Variants in SLC25A37 observed in about 807,000 individuals in gnomAD.
The protein encoded by SLC25A37 is mitoferrin-1.
In SLC25A37, 17 loss-of-function variants were observed where a neutral mutation model predicts 31.0. The observed-to-expected ratio is 0.55, with a 90% CI of 0.38 to 0.82. The LOEUF (loss-of-function observed/expected upper bound fraction) is 0.82, where lower values mean the gene tolerates loss of function less well. Ranked by LOEUF, SLC25A37 falls within the 40% of genes least tolerant of loss-of-function variation. SLC25A37 has a pLI of 0.00. For missense variants in SLC25A37, 404 were observed against 465.8 expected, an observed-to-expected ratio of 0.87 and a Z score of 1.22; for synonymous variants, 222 against 193.0, an observed-to-expected ratio of 1.15 and a Z score of -1.24.
intron 3 of SLC25A37, among the ~76,000 whole-genome samples, chr8:23,571,026 G>C (rs1024120405): frequency 9.9e-5 from 15 of 152,182 alleles, no homozygotes; most frequent in Non-Finnish European, 5.9e-5. Context: ...ACAGATCAGC[G>C]ACTCTAGTCT....
At chr8:23,543,842 G>A (rs200485345) in intron 1 of SLC25A37, among the ~76,000 whole-genome samples, 13 of 151,610 alleles carry the variant, frequency 8.6e-5, no homozygotes, top group Non-Finnish European at 1.6e-4. Context: ...AGCAAAAAAC[G>A]ATGTGGTATT....
intron 1 of SLC25A37, among the ~76,000 whole-genome samples, chr8:23,554,429 C>T (rs763581534): frequency 1.3e-5 from 2 of 152,200 alleles, no homozygotes; most frequent in African/African-American, 2.4e-5. Flanking sequence ...AGTCCCTTCC[C>T]TTTCTGTCTC....
At chr8:23,540,010 C>T (rs897856072) in intron 1 of SLC25A37, among the ~76,000 whole-genome samples, 1 of 152,210 alleles carries the variant, frequency 6.6e-6, no homozygotes, top group African/African-American at 2.4e-5. Flanking sequence ...ATATCAGCTC[C>T]TCTTGTTATT....
intron 2 of SLC25A37, chr8:23,567,886 T>C (rs1337853457): frequency 6.5e-6 from 1 of 153,194 alleles, no homozygotes; most frequent in East Asian, 1.9e-4. Context: ...GATTTTCTTT[T>C]TTCCCCCTTC....
chr8:23,548,933 C>T (rs1340482119), intron 1 of SLC25A37, among the ~76,000 whole-genome samples: 1 of 152,234 alleles, frequency 6.6e-6, no homozygotes, highest in African/African-American at 2.4e-5. Flanking sequence ...CCTCTGTCCA[C>T]ATCCCACCTG....
In SLC25A37 at chr8:23,573,196, G is replaced by C. The variant is rs1041094749; in HGVS notation, c.*1341G>C. Reference sequence around the variant, plus strand: ...AGGTCTGACCTGGACCCTCATGCCCGAGTCGGAAGACCCCTCTCCAGAAGC... The same window carrying C: ...AGGTCTGACCTGGACCCTCATGCCCCAGTCGGAAGACCCCTCTCCAGAAGC... On this transcript the variant is annotated 3_prime_UTR_variant, in exon 4 of 4. Transcript: ENST00000519973. 1.3e-5 allele frequency: 2 copies of C among 152,442 alleles called. No individual in the cohort carries two copies. The highest frequency in any genetic ancestry group is 1.3e-4 in the Admixed American group (2 of 15,318). 9.4% of individuals were successfully genotyped at this position (152,442 alleles called of 1,614,324 possible). A position where few individuals can be genotyped will look rare whatever the true frequency, so the allele number is the denominator to read the frequency against.
chr8:23,571,775 A>T lies in SLC25A37; in HGVS notation c.937A>T (p.Thr313Ser). ...QARVIYQMPS[T>S]AISWSVYEFF... ...GCGTGTCATCTACCAGATGCCCTCC[A>T]CCGCCATTTCTTGGTCTGTCTATGA... Residue 313 changes from threonine (T) to serine (S), a missense_variant, in exon 4 of 4, where the codon ACC becomes TCC. Thr to Ser is a moderately conservative substitution (Grantham distance 58). This residue lies in a region of SLC25A37 where 243 missense variants were observed against 284.4 expected (regional missense o/e 0.85). Transcript: ENST00000519973. 1 of 1,613,878 alleles carries T rather than the reference A, an allele frequency of 6.2e-7. No individual in the cohort carries two copies. The highest frequency in any genetic ancestry group is 1.1e-5 in the South Asian group (1 of 91,080).
chr8:23,571,926 A>C lies in SLC25A37; in HGVS notation c.*71A>C, dbSNP rs1446500707. ...ATCCAGCCCCTTGCCCTCTCCTCAC[A>C]CGTAGATCATTTTTTTTTTGCAGGG... On this transcript the variant is annotated 3_prime_UTR_variant, in exon 4 of 4. Coordinates refer to ENST00000519973, the MANE Select transcript of SLC25A37 (RefSeq NM_016612.4). 5.4e-5 allele frequency: 79 copies of C among 1,474,818 alleles called. No homozygotes were observed. The highest frequency in any genetic ancestry group is 2.7e-4 in the Admixed American group (13 of 47,276). The allele number at this position is 1,474,818 out of a possible 1,614,324, so 91.4% of individuals were successfully genotyped here.
chr8:23,563,771 C>T (rs1303679321), intron 1 of SLC25A37, among the ~76,000 whole-genome samples: 2 of 152,038 alleles, frequency 1.3e-5, no homozygotes, highest in African/African-American at 4.8e-5. Context: ...CTCGAGGTCA[C>T]GAGTTTGAGA....
chr8:23,541,189 C>A (rs547553619), intron 1 of SLC25A37, among the ~76,000 whole-genome samples: 144 of 152,258 alleles, frequency 9.5e-4, no homozygotes, highest in Admixed American at 3.5e-3. Flanking sequence ...GTAGTGGCTG[C>A]GTGTAGCAGA....
intron 1 of SLC25A37, among the ~76,000 whole-genome samples, chr8:23,546,076 A>G (rs886674171): frequency 1.3e-5 from 2 of 151,794 alleles, no homozygotes; most frequent in Non-Finnish European, 2.9e-5. Flanking sequence ...CAGAGGTTGC[A>G]TTGAGCTGAG....
rs551736939 is a variant in SLC25A37 at position 23,556,299 on chromosome 8, C to T, written c.211-9809C>T. On this transcript the variant is annotated intron_variant, in intron 1 of 3. Transcript: ENST00000519973. ...GCGGTGACATGATCATAGCTCACTG[C>T]AGCCTCAGTCTCCTGGGCTCAAGTG... Among the ~76,000 whole-genome samples the T allele has an allele frequency of 6.0e-5, 9 of 150,362 alleles. No homozygotes were observed. In the South Asian group the frequency reaches 1.7e-3, roughly 28 times the overall value.
intron 1 of SLC25A37, among the ~76,000 whole-genome samples, chr8:23,565,489 TAA>T (rs34506562): frequency 0.036 from 5,272 of 147,350 alleles, 101 homozygotes; most frequent in Middle Eastern, 0.059. Flanking sequence ...TGCTTTTACT[TAA>T]AAAAAAAAAA....
At chr8:23,530,864 C>T (rs139560434) in intron 1 of SLC25A37, among the ~76,000 whole-genome samples, 2,533 of 152,304 alleles carry the variant, frequency 0.017, 34 homozygotes, top group Middle Eastern at 0.054. Context: ...GTTGTGCCTT[C>T]TGAGCACCCT....
chr8:23,571,618 C>T lies in SLC25A37; in HGVS notation c.780C>T (p.Thr260=). 1 of 1,613,902 alleles carries T rather than the reference C, an allele frequency of 6.2e-7. No individual in the cohort carries two copies. The highest frequency in any genetic ancestry group is 8.5e-7 in the Non-Finnish European group (1 of 1,179,876). The change falls in exon 4 of 4, where the codon ACC becomes ACT. Residue 260 remains threonine (T), a synonymous_variant. Coordinates refer to ENST00000519973, the MANE Select transcript of SLC25A37 (RefSeq NM_016612.4). ...CGACCCCCCTGGACGTCTGTAAGACCCTTCTGAACACTCAGGAGAACGTGG... is the reference window on the plus strand; with the variant it reads ...CGACCCCCCTGGACGTCTGTAAGACTCTTCTGAACACTCAGGAGAACGTGG... ...AATTPLDVCK[T]LLNTQENVAL...
chr8:23,534,729 A>G (rs1801729782), intron 1 of SLC25A37, among the ~76,000 whole-genome samples: 1 of 152,178 alleles, frequency 6.6e-6, no homozygotes. Flanking sequence ...ATCTGTAAAA[A>G]GAAGAAGAGA....
At chr8:23,562,205 C>T (rs1036351734) in intron 1 of SLC25A37, among the ~76,000 whole-genome samples, 3 of 152,256 alleles carry the variant, frequency 2.0e-5, no homozygotes, top group South Asian at 2.1e-4. Context: ...CCCTGAAGGG[C>T]GCTGCCTGGA....
chr8:23,540,602 T>C (rs1283272338), intron 1 of SLC25A37, among the ~76,000 whole-genome samples: 2 of 152,204 alleles, frequency 1.3e-5, no homozygotes, highest in African/African-American at 4.8e-5. Flanking sequence ...CTGAAACAAA[T>C]TGCAGTTGCT....
chr8:23,567,107 T>G (rs1166594753), intron 2 of SLC25A37: 1 of 152,292 alleles, frequency 6.6e-6, no homozygotes, highest in African/African-American at 2.4e-5. Context: ...TGTTTGGGTT[T>G]GGAATGGAAA....
Sources: gnomAD v4.1 joint callset for allele counts (sites outside exome capture counted in the v4.1 genomes callset) on GRCh38, gnomAD v4.1.1 for gene constraint, gnomAD v4.1.1 regional missense constraint, MANE v1.5 for transcripts, NCBI Gene and HGNC (gene_info 2026-07-23, HGNC 2026-07-21) for gene names.